Variants in CR2 observed in about 807,000 individuals in gnomAD.
The protein encoded by CR2 is complement receptor type 2.
A neutral mutation model predicts 123.0 loss-of-function variants in CR2; 96 were observed. The observed-to-expected ratio is 0.78, with a 90% CI of 0.66 to 0.93. CR2 has a LOEUF of 0.93. CR2 is among the 40% of genes least tolerant of loss of function. The pLI is 0.00. For missense variants in CR2, 1,258 were observed against 1,361.0 expected (o/e 0.92, Z 1.19); for synonymous variants, 484 against 469.5 (o/e 1.03, Z -0.40).
chr1:207,472,792 C>T lies in CR2; in HGVS notation c.1591C>T (p.Pro531Ser). The stretch of plus-strand genomic sequence containing the variant: ...TCTAGAAATCACCTGCCCACCACCC[C>T]CTGTTATCTACAATGGGGCACACAC... ...LCKEITCPPP[P>S]VIYNGAHTGS... Residue 531 changes from proline (P) to serine (S), a missense_variant, in exon 10 of 20, where the codon CCT becomes TCT. Transcript: ENST00000367057. 1 of 1,613,886 alleles carries T rather than the reference C, an allele frequency of 6.2e-7. No individual in the cohort carries two copies. The highest frequency in any genetic ancestry group is 8.5e-7 in the Non-Finnish European group (1 of 1,179,880).
intron 18 of CR2, among the ~76,000 whole-genome samples, chr1:207,482,454 G>T (rs573454768): frequency 2.4e-4 from 37 of 152,120 alleles, no homozygotes; most frequent in Admixed American, 2.0e-3. Flanking sequence ...TAATGTTAGA[G>T]AAATAGAAGT....
chr1:207,466,064 T>C (rs927103622), intron 1 of CR2, among the ~76,000 whole-genome samples: 3 of 152,220 alleles, frequency 2.0e-5, no homozygotes, highest in Non-Finnish European at 2.9e-5. Flanking sequence ...GTTTGCGTTA[T>C]ACTATAGACT....
chr1:207,483,526 G>A (rs1658663381), intron 18 of CR2, among the ~76,000 whole-genome samples: 1 of 150,316 alleles, frequency 6.7e-6, no homozygotes, highest in Non-Finnish European at 1.5e-5. Context: ...GTGTTCTATG[G>A]CAAATAAGAT....
At chr1:207,462,489 T>G (rs760758442) in intron 1 of CR2, among the ~76,000 whole-genome samples, 3 of 152,204 alleles carry the variant, frequency 2.0e-5, no homozygotes, top group African/African-American at 7.2e-5. Context: ...AAAAAATATA[T>G]GCATTTTTTC....
Position 207,470,901 on chromosome 1 carries a change from G to C in CR2, c.1387G>C (p.Val463Leu). 6.2e-7 allele frequency: 1 copy of C among 1,613,758 alleles called. No homozygotes were observed. Among genetic ancestry groups the C allele is most frequent in the Non-Finnish European group, 8.5e-7 (1 of 1,179,804 alleles). The stretch of plus-strand genomic sequence containing the variant: ...CTCTGAGGGGGTGTGGACACCCCCT[G>C]TACCCCAATGCAAAGGTGCCAGGCC... ...CTSEGVWTPP[V>L]PQCKVAACEA... The change falls in exon 7 of 20, where the codon GTA becomes CTA. Residue 463 changes from valine (V) to leucine (L), a missense_variant. Physicochemically the swap from Val to Leu is conservative, Grantham distance 32 (BLOSUM62 1). Transcript: ENST00000367057.
intron 19 of CR2, among the ~76,000 whole-genome samples, chr1:207,486,341 T>C (rs1270315665): frequency 6.6e-6 from 1 of 151,490 alleles, no homozygotes; most frequent in African/African-American, 2.4e-5. Flanking sequence ...GCCAGCTGTG[T>C]TGGCGGCACA....
rs1425780990 is a variant in CR2, at chr1:207,458,067, C to CACACACACACACACACACAT, written c.58+3610_58+3611insTACACACACACACACACACA. ...CCCTACCTCAAGGCCACAACACACACACACACACACACACACACACACACA... is the reference window on the plus strand; with the variant it reads ...CCCTACCTCAAGGCCACAACACACACACACACACACACACACACATACACACACACACACACACACACACA... On this transcript the variant is annotated intron_variant, in intron 1 of 19. Coordinates refer to ENST00000367057, the MANE Select transcript of CR2 (RefSeq NM_001006658.3). 1.3e-3 allele frequency among the ~76,000 whole-genome samples: 187 copies of CACACACACACACACACACAT among 146,442 alleles called. 1 individual carries two copies. The highest frequency in any genetic ancestry group is 6.8e-3 in the Middle Eastern group (2 of 292).
chr1:207,468,946 G>A, intron 4 of CR2, 47 bp downstream of exon 4: 1 of 1,588,586 alleles, frequency 6.3e-7, no homozygotes. Context: ...TGTCTTGTGT[G>A]TGCGTGGTGT....
intron 2 of CR2, 56 bp from the exon 3 acceptor site, chr1:207,468,471 G>C: frequency 1.3e-6 from 2 of 1,576,570 alleles, no homozygotes; most frequent in Non-Finnish European, 1.7e-6. Context: ...CTTGATTCTA[G>C]ATTGTGAAGG....
intron 19 of CR2, among the ~76,000 whole-genome samples, chr1:207,487,201 A>G (rs1658773499): frequency 6.6e-6 from 1 of 152,168 alleles, no homozygotes; most frequent in South Asian, 2.1e-4. Flanking sequence ...TTTAGGGAGG[A>G]GGGAGTGATC....
At position 207,479,294 on chromosome 1, in the gene CR2, A is replaced by G. The variant is rs746885517; in HGVS notation, c.3112+14A>G. Reference sequence around the variant, plus strand: ...CTGTCCTTTGTGGTAAGTCTTCTTAAATACTTGAAGAAAAGCTCTTATAAT... The same window carrying G: ...CTGTCCTTTGTGGTAAGTCTTCTTAGATACTTGAAGAAAAGCTCTTATAAT... On this transcript the variant is annotated intron_variant, in intron 17 of 19. Coordinates refer to ENST00000367057, the MANE Select transcript of CR2 (RefSeq NM_001006658.3). 6.3e-7 allele frequency: 1 copy of G among 1,579,274 alleles called. No individual in the cohort carries two copies. The highest frequency in any genetic ancestry group is 8.7e-7 in the Non-Finnish European group (1 of 1,149,670).
In CR2 at chr1:207,472,755, T is replaced by A. The variant is rs746629131; in HGVS notation, c.1571-17T>A. 1.9e-6 allele frequency: 3 copies of A among 1,612,104 alleles called. No homozygotes were observed. The highest frequency in any genetic ancestry group is 2.5e-6 in the Non-Finnish European group (3 of 1,178,992). On this transcript the variant is annotated splice_polypyrimidine_tract_variant and intron_variant, in intron 9 of 19. Transcript: ENST00000367057. ...AATACAGGAACTCAATTCTACAGTA[T>A]CTTTTCATCTCTCTAGAAATCACCT...
chr1:207,478,368 A>T (rs577111178), intron 16 of CR2, among the ~76,000 whole-genome samples: 20 of 151,680 alleles, frequency 1.3e-4, no homozygotes, highest in South Asian at 1.0e-3. Context: ...ACCAAAAAAA[A>T]AATAATAATA....
At chr1:207,456,071 T>C (rs311302) in intron 1 of CR2, among the ~76,000 whole-genome samples, 103,763 of 152,148 alleles carry the variant, frequency 0.68, 35,883 homozygotes, top group East Asian at 0.89. Context: ...TTAAGAAATA[T>C]ATATATTTTC....
intron 16 of CR2, 115 bp from the exon 17 acceptor site, chr1:207,479,142 C>T (rs545539664): frequency 2.0e-5 from 17 of 843,512 alleles, no homozygotes; most frequent in Middle Eastern, 4.5e-4. Flanking sequence ...TCTTTTAAAT[C>T]GACTTGGAAG....
chr1:207,474,997 G>A lies in CR2; in HGVS notation c.2497G>A (p.Gly833Arg), dbSNP rs768521188. 44 of 1,613,936 alleles carry A rather than the reference G, an allele frequency of 2.7e-5. 1 individual carries two copies. Among genetic ancestry groups the A allele is most frequent in the African/African-American group, 2.1e-4 (16 of 74,884 alleles). ...TTCTAAAGGACATGGATCTTGGAGC[G>A]GGCCTTCCCCACAGTGCTTACGATC... Reference protein sequence around the residue: ...SDSKGHGSWSGPSPQCLRSPP... With the variant: ...SDSKGHGSWSRPSPQCLRSPP... Residue 833 changes from glycine (G) to arginine (R), a missense_variant, in exon 14 of 20, where the codon GGG (glycine) becomes AGG (arginine). Gly to Arg is a moderately radical substitution (Grantham distance 125, BLOSUM62 -2). Transcript: ENST00000367057.
intron 1 of CR2, among the ~76,000 whole-genome samples, chr1:207,463,747 A>C (rs1202687432): frequency 6.6e-6 from 1 of 151,688 alleles, no homozygotes; most frequent in African/African-American, 2.4e-5. Flanking sequence ...TTAGATATCT[A>C]CTCTTTGGTG....
chr1:207,489,673 A>C lies in CR2; in HGVS notation c.*550A>C, dbSNP rs1247858891. The stretch of plus-strand genomic sequence containing the variant: ...ACTTGGTTTGAGTTTCTCTCACATT[A>C]CTGTATATACTTTGCCTTTCCATAA... On this transcript the variant is annotated 3_prime_UTR_variant, in exon 20 of 20. Coordinates refer to ENST00000367057, the MANE Select transcript of CR2 (RefSeq NM_001006658.3). The C allele has an allele frequency of 6.6e-6, 1 of 152,118 alleles. No homozygotes were observed. The highest frequency in any genetic ancestry group is 2.4e-5 in the African/African-American group (1 of 41,416). The allele number at this position is 152,118 out of a possible 1,614,324, so 9.4% of individuals were successfully genotyped here. A position where few individuals can be genotyped will look rare whatever the true frequency, so the allele number is the denominator to read the frequency against.
intron 2 of CR2, 48 bp from the exon 3 acceptor site, chr1:207,468,479 A>AGGAT: frequency 1.3e-6 from 2 of 1,587,344 alleles, no homozygotes; most frequent in East Asian, 4.5e-5. Flanking sequence ...TAGATTGTGA[A>AGGAT]GGATGCATCA....
Sources: gnomAD v4.1 joint callset for allele counts (sites outside exome capture counted in the v4.1 genomes callset) on GRCh38, gnomAD v4.1.1 for gene constraint, MANE v1.5 for transcripts, NCBI Gene and HGNC (gene_info 2026-07-23, HGNC 2026-07-21) for gene names.